The following ZNF185 variants were observed in gnomAD, a reference collection of about 807,000 sequenced individuals.
The protein encoded by ZNF185 is zinc finger protein 185 with LIM domain, also known as zinc finger protein 185.
A neutral mutation model predicts 58.6 loss-of-function variants in ZNF185; 56 were observed. The ratio of observed to expected loss-of-function variants is 0.95; its 90% CI spans 0.77 to 1.19. ZNF185 has a LOEUF of 1.19. Among genes scored for constraint, ZNF185 ranks in the 50% most tolerant of loss-of-function variants. The probability of loss-of-function intolerance (pLI) is 0.00; values close to 1 mark genes in which losing one functional copy is unlikely to be tolerated. For missense variants in ZNF185, 627 were observed against 573.5 expected, an observed-to-expected ratio of 1.09 and a Z score of -0.95; for synonymous variants, 230 against 215.9, an observed-to-expected ratio of 1.07 and a Z score of -0.57.
At chrX:152,969,439 T>C (rs377526860) in exon 21 of ZNF185, 16 of 1,207,339 alleles carry the variant, frequency 1.3e-5, no homozygotes, top group South Asian at 1.8e-5. Flanking sequence ...GTCCAAAGAT[T>C]ACCCTAGAAC....
chrX:152,954,152 C>CTT (rs34539156), intron 16 of ZNF185, among the ~76,000 whole-genome samples: 100 of 107,803 alleles, frequency 9.3e-4, no homozygotes, highest in South Asian at 2.5e-3. Flanking sequence ...AAAAAAAAGC[C>CTT]TTTTTTTTTC....
rs782305708 is a variant in ZNF185 at position 152,941,256 on chromosome X, C to T, written c.1211+3093C>T. Among the ~76,000 whole-genome samples the T allele has an allele frequency of 3.6e-5, 4 of 111,903 alleles. No homozygotes were observed. The South Asian group carries it at 1.5e-3, about 42-fold the overall frequency. The stretch of plus-strand genomic sequence containing the variant: ...CAGGGGCATCTCCCAAAGCTTCCAG[C>T]CTGCTACGATACAATGTCTGGAGCC... On this transcript the variant is annotated intron_variant, in intron 15 of 22. Transcript: ENST00000449285.
At chrX:152,936,922 G>C (rs2046361549) in intron 14 of ZNF185, among the ~76,000 whole-genome samples, 2 of 110,929 alleles carry the variant, frequency 1.8e-5, no homozygotes, top group Non-Finnish European at 3.8e-5. Flanking sequence ...CAGTTCCCAG[G>C]AGCACAGGAC....
In ZNF185 at chrX:152,943,004, C is replaced by CAT. The variant is rs2047402913; in HGVS notation, c.1212-2254_1212-2253dup. Among the ~76,000 whole-genome samples, 19 of 111,360 alleles carry CAT rather than the reference C, an allele frequency of 1.7e-4. No individual in the cohort carries two copies. In the South Asian group the frequency reaches 7.2e-3, roughly 42 times the overall value. On this transcript the variant is annotated intron_variant, in intron 15 of 22. Transcript: ENST00000449285. ...TATATCATATATATGATGTATATCT[C>CAT]ATATATATATGTTTTTGAAACAATG...
intron 16 of ZNF185, among the ~76,000 whole-genome samples, chrX:152,954,309 G>A (rs1335353918): frequency 9.0e-6 from 1 of 111,014 alleles, no homozygotes; most frequent in African/African-American, 3.3e-5. Flanking sequence ...AGTGGGGCAT[G>A]TTCTGCATTG....
At position 152,972,220 on chromosome X, in the gene ZNF185, A is replaced by G. The variant is rs1320950149; in HGVS notation, c.*947A>G. On this transcript the variant is annotated 3_prime_UTR_variant, in exon 23 of 23. Transcript: ENST00000449285. ...GACATGAGGATATTGGAACTCAGAG[A>G]GGTGGCTATTGCATTGCGCAGAACG... is the stretch of plus-strand genomic sequence containing the variant. The G allele has an allele frequency of 5.4e-5, 6 of 112,147 alleles. 1 individual carries two copies. The highest frequency in any genetic ancestry group is 1.9e-4 in the African/African-American group (6 of 30,841). 9.2% of individuals were successfully genotyped at this position (112,147 alleles called of 1,213,427 possible). A position where few individuals can be genotyped will look rare whatever the true frequency, so the allele number is the denominator to read the frequency against.
chrX:152,911,980 G>A (rs781844686), upstream of ZNF185, among the ~76,000 whole-genome samples: 197 of 87,673 alleles, frequency 2.2e-3, 2 homozygotes, highest in Non-Finnish European at 3.7e-3. Flanking sequence ...CATCTGATCC[G>A]TCTATCCCAT....
At chrX:152,970,368 G>A (rs1334298951) in intron 21 of ZNF185, 75 bp from the exon 24 acceptor site, 1 of 999,278 alleles carries the variant, frequency 1.0e-6, no homozygotes, top group Non-Finnish European at 1.4e-6. Flanking sequence ...ACCTTGTTCA[G>A]GCATCCCCTT....
At chrX:152,936,578 C>T in intron 14 of ZNF185, 65 bp downstream of exon 16, 1 of 999,181 alleles carries the variant, frequency 1.0e-6, no homozygotes, top group Admixed American at 2.7e-5. Context: ...GGGGCCCAGC[C>T]TCAGCTGCAG....
At chrX:152,919,336 C>T (rs1300656869) in intron 7 of ZNF185, among the ~76,000 whole-genome samples, 4 of 44,294 alleles carry the variant, frequency 9.0e-5, no homozygotes, top group Non-Finnish European at 2.2e-4. Context: ...CGGGGAAAAG[C>T]CTCCTCATGT....
chrX:152,928,793 T>G, intron 12 of ZNF185, 132 bp downstream of exon 13: 3 of 619,713 alleles, frequency 4.8e-6, no homozygotes, highest in Non-Finnish European at 7.4e-6. Flanking sequence ...ATGGGAGGCA[T>G]GGTCGACCTG....
rs781922856 is a variant in ZNF185, at chrX:152,958,101, A to C, written c.1410-1598A>C. On this transcript the variant is annotated intron_variant, in intron 16 of 22. Coordinates refer to ENST00000449285, the Ensembl canonical transcript of ZNF185. ...TGTTCATTTGGAATGTTCCACTGTA[A>C]GTTATCTTTCGTAAGATGTCACCAT... Among the ~76,000 whole-genome samples, 3 of 112,224 alleles carry C rather than the reference A, an allele frequency of 2.7e-5. No homozygotes were observed. In the Admixed American group the frequency reaches 2.8e-4, roughly 11 times the overall value.
Position 152,938,064 on chromosome X carries a change from C to A in ZNF185, c.1122-10C>A. 1 of 1,172,396 alleles carries A rather than the reference C, an allele frequency of 8.5e-7. No homozygotes were observed. Among genetic ancestry groups the A allele is most frequent in the Non-Finnish European group, 1.1e-6 (1 of 875,115 alleles). ...CTGAGATCTCAGCAGGCCTGTGTTTCCTTCCTCAGCTCCAGTGCCACTTCA... is the reference window on the plus strand; with the variant it reads ...CTGAGATCTCAGCAGGCCTGTGTTTACTTCCTCAGCTCCAGTGCCACTTCA... On this transcript the variant is annotated splice_polypyrimidine_tract_variant and intron_variant, in intron 14 of 22. Coordinates refer to ENST00000449285, the Ensembl canonical transcript of ZNF185.
intron 14 of ZNF185, among the ~76,000 whole-genome samples, chrX:152,936,952 AAATG>A: frequency 1.8e-5 from 2 of 111,442 alleles, no homozygotes; most frequent in Non-Finnish European, 3.8e-5. Flanking sequence ...GGATGGGCAA[AAATG>A]GCTCCTGGGG....
the ZNF185 span, among the ~76,000 whole-genome samples, chrX:152,906,616 C>T: frequency 8.9e-6 from 1 of 112,784 alleles, no homozygotes; most frequent in East Asian, 2.8e-4. Context: ...TATGCTGACT[C>T]CTGACCCACC....
chrX:152,916,416 C>T (rs1252131668), intron 3 of ZNF185, among the ~76,000 whole-genome samples: 3 of 111,765 alleles, frequency 2.7e-5, no homozygotes, highest in Non-Finnish European at 5.7e-5. Context: ...TCCCTGCCCG[C>T]TCGTCTTGGC....
intron 3 of ZNF185, among the ~76,000 whole-genome samples, chrX:152,916,428 G>T (rs1205355072): frequency 9.0e-6 from 1 of 111,724 alleles, no homozygotes; most frequent in Non-Finnish European, 1.9e-5. Flanking sequence ...CGTCTTGGCT[G>T]CCCCCTGAGT....
At chrX:152,969,779 G>A (rs1402552941) in intron 21 of ZNF185, among the ~76,000 whole-genome samples, 2 of 112,739 alleles carry the variant, frequency 1.8e-5, no homozygotes, top group African/African-American at 6.4e-5. Context: ...AAGTGCAAAA[G>A]CCCTGGGGCA....
chrX:152,936,477 A>T lies in ZNF185; in HGVS notation c.1122-1597A>T, dbSNP rs782384970. Reference sequence around the variant, plus strand: ...GAAGACCAGGATGGGCACAGTGCCAACTCTCAGTCCTGCAAGCCTAGACCA... The same window carrying T: ...GAAGACCAGGATGGGCACAGTGCCATCTCTCAGTCCTGCAAGCCTAGACCA... On this transcript the variant is annotated intron_variant, in intron 14 of 22. Coordinates refer to ENST00000449285, the Ensembl canonical transcript of ZNF185. 28 of 1,164,415 alleles carry T rather than the reference A, an allele frequency of 2.4e-5. No individual in the cohort carries two copies. In the South Asian group the frequency reaches 4.4e-4, roughly 18 times the overall value.
Sources: allele counts gnomAD v4.1 joint callset (sites outside exome capture counted in the v4.1 genomes callset), GRCh38; gene constraint gnomAD v4.1.1; transcripts MANE v1.5; gene names NCBI Gene and HGNC (gene_info 2026-07-23, HGNC 2026-07-21).